The following RNF216 variants were observed in gnomAD, a reference collection of about 807,000 sequenced individuals.
RNF216 encodes ring finger protein 216, also known as E3 ubiquitin-protein ligase RNF216.
RNF216 carries 72 observed loss-of-function variants against 110.8 expected under a neutral mutation model. The ratio of observed to expected loss-of-function variants is 0.65; its 90% CI spans 0.54 to 0.79. RNF216 has a LOEUF of 0.79. Among genes scored for constraint, RNF216 ranks in the 30% least tolerant of loss-of-function variants. The pLI is 0.00. For synonymous variants in RNF216, 495 were observed against 407.5 expected (o/e 1.21, Z -2.59); for missense variants, 1,342 against 1,141.2 (o/e 1.18, Z -2.54).
chr7:5,628,675 C>G (rs1427031239), intron 15 of RNF216, among the ~76,000 whole-genome samples: 1 of 146,514 alleles, frequency 6.8e-6, no homozygotes, highest in Non-Finnish European at 1.5e-5. Context: ...GCGCCCACCA[C>G]CATATCTGAC....
intron 1 of RNF216, among the ~76,000 whole-genome samples, chr7:5,776,069 A>C (rs888682245): frequency 4.6e-5 from 7 of 152,128 alleles, no homozygotes; most frequent in Admixed American, 2.0e-4. Flanking sequence ...GTCTGTACTA[A>C]TACAATTAAT....
At chr7:5,682,796 G>C (rs1194593512) in intron 13 of RNF216, among the ~76,000 whole-genome samples, 3 of 152,178 alleles carry the variant, frequency 2.0e-5, no homozygotes, top group Admixed American at 1.3e-4. Context: ...TGTGCTCCAA[G>C]AGTCTTAAGC....
chr7:5,694,980 T>C (rs961976971), intron 13 of RNF216, among the ~76,000 whole-genome samples: 1 of 152,240 alleles, frequency 6.6e-6, no homozygotes, highest in African/African-American at 2.4e-5. Context: ...CTAAGAACTG[T>C]ATTTCTATTA....
At chr7:5,637,368 T>A (rs1047444925) in intron 15 of RNF216, among the ~76,000 whole-genome samples, 1 of 152,244 alleles carries the variant, frequency 6.6e-6, no homozygotes, top group African/African-American at 2.4e-5. Flanking sequence ...GCAGGCTAGC[T>A]AAGGGTTTCA....
chr7:5,699,099 A>G (rs1791811286), intron 13 of RNF216, among the ~76,000 whole-genome samples: 1 of 152,180 alleles, frequency 6.6e-6, no homozygotes, highest in Non-Finnish European at 1.5e-5. Flanking sequence ...CAGAGGATGT[A>G]ATGAACCCTA....
chr7:5,722,486 G>A (rs1793493677), intron 8 of RNF216, among the ~76,000 whole-genome samples: 1 of 151,440 alleles, frequency 6.6e-6, no homozygotes, highest in Non-Finnish European at 1.5e-5. Flanking sequence ...GCCCCCCGGG[G>A]TTCACGCCAT....
chr7:5,674,654 A>C (rs1790150690), intron 13 of RNF216, among the ~76,000 whole-genome samples: 1 of 151,576 alleles, frequency 6.6e-6, no homozygotes, highest in African/African-American at 2.4e-5. Flanking sequence ...AAATGAAAAA[A>C]GTCAGCTGGG....
chr7:5,750,985 A>G (rs1258265984), intron 3 of RNF216, among the ~76,000 whole-genome samples: 2 of 152,248 alleles, frequency 1.3e-5, no homozygotes, highest in African/African-American at 4.8e-5. Context: ...CTACTTGGTT[A>G]AAACAAGGTA....
intron 13 of RNF216, among the ~76,000 whole-genome samples, chr7:5,674,766 T>G (rs567705945): frequency 6.6e-6 from 1 of 152,104 alleles, no homozygotes; most frequent in Admixed American, 6.5e-5. Flanking sequence ...GAGGCCGAGG[T>G]TGGCAGATCA....
In RNF216 at chr7:5,641,143, T is replaced by C. The variant is rs901041456; in HGVS notation, c.2382+11A>G. On this transcript the variant is annotated intron_variant, in intron 15 of 16. Transcript: ENST00000389902. ...CCCTATAAAGCAATAGGCAGCCATG[T>C]GTCTACTTACAGTGGGATCGGTCCA... 5 of 1,586,162 alleles carry C rather than the reference T, an allele frequency of 3.2e-6. No homozygotes were observed. The African/African-American group carries it at 5.4e-5, about 17-fold the overall frequency.
intron 13 of RNF216, among the ~76,000 whole-genome samples, chr7:5,708,914 G>C (rs576062476): frequency 7.2e-5 from 11 of 152,138 alleles, no homozygotes; most frequent in Non-Finnish European, 1.6e-4. Context: ...AGGTGCACTG[G>C]ACTCTGCCTA....
rs949457135 is a variant in RNF216, at chr7:5,781,613, C to G, written c.-142G>C. 34 of 152,302 alleles carry G rather than the reference C, an allele frequency of 2.2e-4. 1 individual carries two copies. Among genetic ancestry groups the G allele is most frequent in the Admixed American group, 2.2e-3 (33 of 15,290 alleles). The allele number at this position is 152,302 out of a possible 1,614,324, so 9.4% of individuals were successfully genotyped here. A position where few individuals can be genotyped will look rare whatever the true frequency, so the allele number is the denominator to read the frequency against. ...TACCGCGCCGCTTACTCCTCAGAAG[C>G]CGCAGCTGCGAGCTCCGTGGCAGCC... is the stretch of plus-strand genomic sequence containing the variant. On this transcript the variant is annotated 5_prime_UTR_variant, in exon 1 of 17. Transcript: ENST00000389902.
intron 13 of RNF216, among the ~76,000 whole-genome samples, chr7:5,656,277 A>G (rs1039471830): frequency 1.3e-5 from 2 of 152,166 alleles, no homozygotes; most frequent in African/African-American, 4.8e-5. Flanking sequence ...ACAAACAAAC[A>G]AACAAAGTGC....
At chr7:5,742,586 C>CTTTTT (rs59545890) in intron 3 of RNF216, among the ~76,000 whole-genome samples, 12 of 65,990 alleles carry the variant, frequency 1.8e-4, no homozygotes, top group Admixed American at 4.7e-4. Context: ...GGTGAAAAAT[C>CTTTTT]TTTTTTTTTT....
rs1796159112 is a variant in RNF216, at chr7:5,765,554, C to G, written c.-69-4416G>C. 2.0e-5 allele frequency among the ~76,000 whole-genome samples: 3 copies of G among 151,764 alleles called. No individual in the cohort carries two copies. In the South Asian group the frequency reaches 6.2e-4, roughly 32 times the overall value. ...CTGAAGCAGGAGGACTGCTTGAGCC[C>G]AGGAGTTCGACACTGCAGTGTGCCA... On this transcript the variant is annotated intron_variant, in intron 1 of 16. Coordinates refer to ENST00000389902, the MANE Select transcript of RNF216 (RefSeq NM_207111.4).
Position 5,622,993 on chromosome 7 carries a change from A to C in RNF216, c.2639T>G (p.Met880Arg). 6.2e-7 allele frequency: 1 copy of C among 1,614,054 alleles called. No homozygotes were observed. Among genetic ancestry groups the C allele is most frequent in the Non-Finnish European group, 8.5e-7 (1 of 1,180,000 alleles). ...RPVFNNFPLN[M>R]GPIPAPYVPP... ...CACGTACGGGGCTGGGATAGGCCCC[A>C]TGTTGAGTGGGAAGTTGTTGAACAC... The change falls in exon 17 of 17, where the codon ATG becomes AGG. Residue 880 changes from methionine to arginine, a missense_variant. Physicochemically the swap from Met to Arg is moderately conservative, Grantham distance 91. Transcript: ENST00000389902.
intron 13 of RNF216, among the ~76,000 whole-genome samples, chr7:5,660,925 A>G (rs1330700820): frequency 1.5e-5 from 2 of 131,094 alleles, no homozygotes; most frequent in Non-Finnish European, 3.2e-5. Context: ...TACTAGCTCC[A>G]TGCTCCTGAA....
At chr7:5,632,260 G>C (rs1787119699) in intron 15 of RNF216, among the ~76,000 whole-genome samples, 1 of 152,186 alleles carries the variant, frequency 6.6e-6, no homozygotes, top group Non-Finnish European at 1.5e-5. Flanking sequence ...ACAGACCATG[G>C]TGCATCCCCT....
At chr7:5,657,722 C>A (rs1214260537) in intron 13 of RNF216, among the ~76,000 whole-genome samples, 1 of 152,148 alleles carries the variant, frequency 6.6e-6, no homozygotes, top group Non-Finnish European at 1.5e-5. Context: ...GTCAAAGATG[C>A]TGGTCCTCCC....
Sources: allele counts gnomAD v4.1 joint callset (sites outside exome capture counted in the v4.1 genomes callset), GRCh38; gene constraint gnomAD v4.1.1; transcripts MANE v1.5; gene names NCBI Gene and HGNC (gene_info 2026-07-23, HGNC 2026-07-21).